MAF: variants seen among roughly 807,000 people sequenced by gnomAD.
MAF encodes the protein transcription factor Maf.
Under a neutral mutation model 22.0 loss-of-function variants are expected in MAF, and 10 were observed. That is an observed-to-expected ratio of 0.45 (90% confidence interval 0.28 to 0.77). The LOEUF is 0.77. Ranked by LOEUF, MAF falls within the 30% of genes least tolerant of loss-of-function variation. The pLI is 0.12. For synonymous variants in MAF, 337 were observed against 255.8 expected, an observed-to-expected ratio of 1.32 and a Z score of -3.03; for missense variants, 544 against 548.4, an observed-to-expected ratio of 0.99 and a Z score of 0.08.
At position 79,598,581 on chromosome 16, in the gene MAF, G is replaced by GGGGT. The variant is rs150301079; in HGVS notation, c.1118+203_1118+204insACCC. On this transcript the variant is annotated intron_variant, in intron 1 of 1. Coordinates refer to ENST00000326043, the MANE Select transcript of MAF (RefSeq NM_005360.5). ...CACCACAAACTCGAGCAGGGTGTGG[G>GGGGT]GTGTGTGTGTGTGTGTGTGTGTGTG... is the stretch of plus-strand genomic sequence containing the variant. The GGGGT allele has an allele frequency of 6.2e-4, 874 of 1,410,650 alleles. No individual in the cohort carries two copies. The East Asian group carries it at 8.9e-3, about 14-fold the overall frequency. The allele number at this position is 1,410,650 out of a possible 1,614,324, so 87.4% of individuals were successfully genotyped here.
chr16:79,526,965 T>C, the MAF span, among the ~76,000 whole-genome samples: 2 of 152,254 alleles, frequency 1.3e-5, no homozygotes, highest in African/African-American at 4.8e-5. Flanking sequence ...TTATATAATT[T>C]AATTTTTAAT....
At chr16:79,540,156 G>A in the MAF span, among the ~76,000 whole-genome samples, 5 of 151,872 alleles carry the variant, frequency 3.3e-5, no homozygotes, top group African/African-American at 1.2e-4. Context: ...CGAGGCAGGT[G>A]GAGGACCAGA....
chr16:79,488,244 T>C, the MAF span, among the ~76,000 whole-genome samples: 314 of 152,186 alleles, frequency 2.1e-3, 1 homozygote, highest in Non-Finnish European at 3.1e-3. Flanking sequence ...TTTCCTCCAA[T>C]TAATGAAGAA....
At chr16:79,582,078 C>T (rs1912555040), downstream of MAF, among the ~76,000 whole-genome samples, 1 of 152,108 alleles carries the variant, frequency 6.6e-6, no homozygotes, top group Admixed American at 6.5e-5. Context: ...CCTAAGAGTG[C>T]AAAATAGAGA....
the MAF span, among the ~76,000 whole-genome samples, chr16:79,225,906 T>C: frequency 6.0e-4 from 92 of 152,258 alleles, no homozygotes; most frequent in African/African-American, 2.1e-3. Flanking sequence ...TGTGGAGATA[T>C]AGGAACACTT....
At chr16:79,206,029 G>C in the MAF span, 70 of 152,186 alleles carry the variant, frequency 4.6e-4, no homozygotes, top group Non-Finnish European at 2.1e-4. Flanking sequence ...TTTTTAGTAA[G>C]GGTCACTTGC....
At chr16:79,218,317 C>A in the MAF span, among the ~76,000 whole-genome samples, 1 of 150,368 alleles carries the variant, frequency 6.7e-6, no homozygotes, top group Non-Finnish European at 1.5e-5. Context: ...GGTGATGGGC[C>A]ATTATTTGGA....
chr16:79,556,330 T>C, the MAF span, among the ~76,000 whole-genome samples: 2 of 152,300 alleles, frequency 1.3e-5, no homozygotes, highest in East Asian at 3.9e-4. Flanking sequence ...CTACCCAGCT[T>C]TTACCACTTA....
At chr16:79,489,672 G>A in the MAF span, among the ~76,000 whole-genome samples, 32 of 152,232 alleles carry the variant, frequency 2.1e-4, no homozygotes, top group Non-Finnish European at 4.4e-4. Context: ...GAGATGGCCC[G>A]AGAAGCTGAA....
the MAF span, among the ~76,000 whole-genome samples, chr16:79,317,286 T>G: frequency 2.7e-5 from 4 of 146,642 alleles, no homozygotes; most frequent in Admixed American, 2.7e-4. Flanking sequence ...CCTTCCTTCC[T>G]TCCTTTTCTC....
chr16:79,354,920 A>G, the MAF span, among the ~76,000 whole-genome samples: 3 of 152,300 alleles, frequency 2.0e-5, no homozygotes, highest in African/African-American at 7.2e-5. Flanking sequence ...GATTAGAAGG[A>G]AAAAATAAGT....
the MAF span, among the ~76,000 whole-genome samples, chr16:79,245,190 T>C: frequency 2.0e-5 from 3 of 151,970 alleles, no homozygotes; most frequent in Non-Finnish European, 4.4e-5. Context: ...CAAAAAGCCA[T>C]GGCAACAAAA....
At chr16:79,360,541 T>C in the MAF span, among the ~76,000 whole-genome samples, 1 of 152,332 alleles carries the variant, frequency 6.6e-6, no homozygotes, top group East Asian at 1.9e-4. Context: ...AGACATTCAA[T>C]GAGATCTGTG....
downstream of MAF, among the ~76,000 whole-genome samples, chr16:79,591,885 T>G (rs1202905535): frequency 6.6e-6 from 1 of 152,234 alleles, no homozygotes; most frequent in African/African-American, 2.4e-5. Context: ...ACTCAAATGT[T>G]AAGACATTAA....
the MAF span, among the ~76,000 whole-genome samples, chr16:79,361,544 T>G: frequency 6.6e-6 from 1 of 152,230 alleles, no homozygotes; most frequent in Admixed American, 6.5e-5. Flanking sequence ...TGAGCCATGC[T>G]AGCCGGCTGC....
chr16:79,574,374 C>A, the MAF span, among the ~76,000 whole-genome samples: 8 of 152,136 alleles, frequency 5.3e-5, no homozygotes, highest in African/African-American at 1.9e-4. Flanking sequence ...GAAGTCTGTG[C>A]AAATAATTTG....
the MAF span, among the ~76,000 whole-genome samples, chr16:79,364,566 T>G: frequency 6.6e-6 from 1 of 152,200 alleles, no homozygotes; most frequent in South Asian, 2.1e-4. Flanking sequence ...ACATCAAACA[T>G]GGTCCCTGAC....
chr16:79,543,018 ATC>A, the MAF span, among the ~76,000 whole-genome samples: 3 of 152,202 alleles, frequency 2.0e-5, no homozygotes, highest in African/African-American at 4.8e-5. Flanking sequence ...TTCTCTCTCC[ATC>A]TCTCTCTCAC....
At chr16:79,579,098 G>GA in the MAF span, among the ~76,000 whole-genome samples, 109 of 150,798 alleles carry the variant, frequency 7.2e-4, no homozygotes, top group Middle Eastern at 3.4e-3. Flanking sequence ...TAGGGGGAAA[G>GA]AAAAAAAAAG....
Sources: gnomAD v4.1 joint callset for allele counts (sites outside exome capture counted in the v4.1 genomes callset) on GRCh38, gnomAD v4.1.1 for gene constraint, MANE v1.5 for transcripts, NCBI Gene and HGNC (gene_info 2026-07-23, HGNC 2026-07-21) for gene names.